The following HHIPL1 variants were observed in gnomAD, a reference collection of about 807,000 sequenced individuals.
The protein encoded by HHIPL1 is HHIP like 1.
HHIPL1 carries 43 observed loss-of-function variants against 61.8 expected under a neutral mutation model. The observed-to-expected ratio is 0.70, with a 90% confidence interval of 0.55 to 0.90. HHIPL1 has a LOEUF of 0.90. Ranked by LOEUF, HHIPL1 falls within the 40% of genes least tolerant of loss-of-function variation. The probability of loss-of-function intolerance (pLI) is 0.00; values close to 1 mark genes in which losing one functional copy is unlikely to be tolerated. For missense variants in HHIPL1, 1,056 were observed against 1,157.7 expected (o/e 0.91, Z 1.28); for synonymous variants, 482 against 515.8 (o/e 0.93, Z 0.89).
At chr14:99,657,995 G>A (rs368308689) in intron 3 of HHIPL1, among the ~76,000 whole-genome samples, 83 of 152,216 alleles carry the variant, frequency 5.5e-4, no homozygotes, top group African/African-American at 1.9e-3. Context: ...TCTTGGGAGT[G>A]TAAACAGGAT....
rs753492519 is a variant in HHIPL1 at position 99,668,683 on chromosome 14, A to G, written c.1730+380A>G. 5 of 169,362 alleles carry G rather than the reference A, an allele frequency of 3.0e-5. No homozygotes were observed. The highest frequency in any genetic ancestry group is 1.7e-3 in the Middle Eastern group (1 of 580). The allele number at this position is 169,362 out of a possible 1,614,324, so 10.5% of individuals were successfully genotyped here. On this transcript the variant is annotated intron_variant, in intron 7 of 8. Transcript: ENST00000330710. This position sits in a 1 kb window ranked among gnomAD's most constrained non-coding sequence, Gnocchi z 4.7. ...CCTGCACCCCCACACCCCAGCCCCC[A>G]ATTTGCCTCTGTGATGCCTCCCAGA... is the stretch of plus-strand genomic sequence containing the variant.
At chr14:99,620,876 C>T in the HHIPL1 span, among the ~76,000 whole-genome samples, 3 of 152,106 alleles carry the variant, frequency 2.0e-5, no homozygotes, top group Admixed American at 6.5e-5. Context: ...ACCTGGAGGC[C>T]GGCCCCGCCA....
chr14:99,671,150 T>G (rs1480643489), intron 7 of HHIPL1, among the ~76,000 whole-genome samples: 1 of 152,140 alleles, frequency 6.6e-6, no homozygotes, highest in Non-Finnish European at 1.5e-5. Context: ...CCCACACATA[T>G]TACACAGAGG....
intron 1 of HHIPL1, 29 bp downstream of exon 1, chr14:99,645,491 G>T (rs946744242): frequency 5.2e-5 from 65 of 1,261,030 alleles, no homozygotes; most frequent in Non-Finnish European, 6.2e-5. Flanking sequence ...ACCGGGCGGG[G>T]CGGGGCGCGG....
intron 7 of HHIPL1, among the ~76,000 whole-genome samples, chr14:99,670,656 T>C (rs2056317480): frequency 2.0e-5 from 3 of 152,212 alleles, no homozygotes; most frequent in Admixed American, 2.0e-4. Context: ...CTCATTTCCC[T>C]GAGGTCCCAT....
chr14:99,613,093 A>C, the HHIPL1 span, among the ~76,000 whole-genome samples: 2 of 151,850 alleles, frequency 1.3e-5, no homozygotes, highest in African/African-American at 4.8e-5. Flanking sequence ...CAGCAGTAAC[A>C]GTAATTCCTC....
Position 99,652,479 on chromosome 14 carries a change from C to T in HHIPL1, c.511C>T (p.Leu171=). Residue 171 remains leucine (L), a synonymous_variant, in exon 2 of 9, where the codon CTG becomes TTG. Transcript: ENST00000330710. ...LLVNKNLNSN[L]GHVVADAKGC... ...GGTCAACAAGAACCTCAACTCAAAC[C>T]TGGGCCACGTGGTAGCCGATGCCAA... 1 of 1,614,070 alleles carries T rather than the reference C, an allele frequency of 6.2e-7. No homozygotes were observed. The highest frequency in any genetic ancestry group is 8.5e-7 in the Non-Finnish European group (1 of 1,180,044).
Position 99,675,141 on chromosome 14 carries a change from AC to A in HHIPL1, c.1865del (p.Thr622SerfsTer40). On this transcript the variant is annotated frameshift_variant, in exon 9 of 9. Transcript: ENST00000330710. LOFTEE classifies it low-confidence loss of function (END_TRUNC). This position sits in a 1 kb window ranked among gnomAD's most constrained non-coding sequence, Gnocchi z 5.4. ...STPRPTARAPTRAPRRGRPTA... is the reference protein window; with the variant it reads ...STPRPTARAPXRAPRRGRPTA... The stretch of plus-strand genomic sequence containing the variant: ...CCCGCGGCCTACAGCGCGGGCGCCC[AC>A]GCGGGCGCCCCGCCGAGGGCGCCCC... 9.0e-7 allele frequency: 1 copy of A among 1,114,862 alleles called. No homozygotes were observed. The highest frequency in any genetic ancestry group is 1.1e-6 in the Non-Finnish European group (1 of 905,430). The allele number at this position is 1,114,862 out of a possible 1,614,324, so 69.1% of individuals were successfully genotyped here.
chr14:99,637,244 G>GAA, the HHIPL1 span, among the ~76,000 whole-genome samples: 1 of 143,990 alleles, frequency 6.9e-6, no homozygotes, highest in Non-Finnish European at 1.5e-5. Flanking sequence ...AAGAAAGAAA[G>GAA]AAAGAAAGAA....
chr14:99,675,764 T>G lies in HHIPL1; in HGVS notation c.*138T>G. ...GTGTGTGCTGTCCTGGGGACATGTG[T>G]GAGGCGCTGCAGTGCATGTGTGTCC... On this transcript the variant is annotated 3_prime_UTR_variant, in exon 9 of 9. Transcript: ENST00000330710. This position sits in a 1 kb window ranked among gnomAD's most constrained non-coding sequence, Gnocchi z 5.4. 1 of 858,716 alleles carries G rather than the reference T, an allele frequency of 1.2e-6. No homozygotes were observed. The highest frequency in any genetic ancestry group is 1.7e-6 in the Non-Finnish European group (1 of 586,392). 53.2% of individuals were successfully genotyped at this position (858,716 alleles called of 1,614,324 possible). A position where few individuals can be genotyped will look rare whatever the true frequency, so the allele number is the denominator to read the frequency against.
chr14:99,610,356 A>G, the HHIPL1 span, among the ~76,000 whole-genome samples: 2 of 152,198 alleles, frequency 1.3e-5, no homozygotes, highest in African/African-American at 4.8e-5. Context: ...ATGCTCCTGC[A>G]GCCCCTCCTG....
the HHIPL1 span, among the ~76,000 whole-genome samples, chr14:99,612,360 GCT>G: frequency 6.6e-6 from 1 of 152,158 alleles, no homozygotes. Flanking sequence ...GGCTTATCGG[GCT>G]CTCAGAGCAC....
In HHIPL1 at chr14:99,662,922, T is replaced by A; in HGVS notation, c.1549T>A (p.Tyr517Asn). Residue 517 changes from tyrosine to asparagine, a missense_variant, in exon 6 of 9, where the codon TAC becomes AAC. By Grantham distance (143) the Tyr-to-Asn change is moderately radical. Coordinates refer to ENST00000330710, the MANE Select transcript of HHIPL1 (RefSeq NM_001127258.3). Reference protein sequence around the residue: ...QENPGTGQWQYSEICMGHGQT... With the variant: ...QENPGTGQWQNSEICMGHGQT... ...GAACCCAGGGACAGGCCAGTGGCAG[T>A]ACAGTGAGATCTGCATGGGCCACGG... 1.9e-6 allele frequency: 3 copies of A among 1,613,738 alleles called. No homozygotes were observed. Among genetic ancestry groups the A allele is most frequent in the Non-Finnish European group, 2.5e-6 (3 of 1,179,874 alleles).
At chr14:99,606,561 C>A in the HHIPL1 span, among the ~76,000 whole-genome samples, 1 of 152,336 alleles carries the variant, frequency 6.6e-6, no homozygotes, top group African/African-American at 2.4e-5. Flanking sequence ...CTGGTGGTTC[C>A]TGGGGCCTGT....
At chr14:99,633,390 C>A in the HHIPL1 span, among the ~76,000 whole-genome samples, 1 of 152,176 alleles carries the variant, frequency 6.6e-6, no homozygotes, top group African/African-American at 2.4e-5. Context: ...CCTGGCAGAC[C>A]CCCACAGAGG....
At chr14:99,608,691 A>G in the HHIPL1 span, among the ~76,000 whole-genome samples, 1 of 152,220 alleles carries the variant, frequency 6.6e-6, no homozygotes, top group Non-Finnish European at 1.5e-5. Flanking sequence ...TGTTACTAAT[A>G]TGGACAATGT....
At chr14:99,642,813 T>C (rs907385819), upstream of HHIPL1, among the ~76,000 whole-genome samples, 7 of 152,268 alleles carry the variant, frequency 4.6e-5, no homozygotes, top group South Asian at 2.1e-4. Flanking sequence ...CATGAGCCAC[T>C]GTGCCCGGCC....
chr14:99,618,394 C>T, the HHIPL1 span, among the ~76,000 whole-genome samples: 1 of 152,258 alleles, frequency 6.6e-6, no homozygotes, highest in African/African-American at 2.4e-5. Context: ...CTTGGAGATA[C>T]TGAGCCCCAT....
intron 6 of HHIPL1, among the ~76,000 whole-genome samples, chr14:99,667,206 C>T (rs1437450415): frequency 2.0e-5 from 3 of 152,192 alleles, no homozygotes; most frequent in Non-Finnish European, 4.4e-5. Context: ...TCCCAGCCAC[C>T]ATGCATCCAA....
Sources: allele counts gnomAD v4.1 joint callset (sites outside exome capture counted in the v4.1 genomes callset), GRCh38; gene constraint gnomAD v4.1.1; non-coding constraint Gnocchi (gnomAD v3.1); transcripts MANE v1.5; gene names NCBI Gene and HGNC (gene_info 2026-07-23, HGNC 2026-07-21).